ATR: variants seen among roughly 807,000 people sequenced by gnomAD.
The protein encoded by ATR is serine/threonine-protein kinase ATR.
A neutral mutation model predicts 305.3 loss-of-function variants in ATR; 142 were observed. The observed-to-expected ratio is 0.47, with a 90% confidence interval of 0.41 to 0.53. The LOEUF (loss-of-function observed/expected upper bound fraction) is 0.53. Among genes scored for constraint, ATR ranks in the 20% least tolerant of loss-of-function variants. The probability of loss-of-function intolerance (pLI) is 0.00; values close to 1 mark genes in which losing one functional copy is unlikely to be tolerated. For missense variants in ATR, 2,135 were observed against 3,133.1 expected, an observed-to-expected ratio of 0.68 and a Z score of 7.60; for synonymous variants, 1,050 against 1,068.1, an observed-to-expected ratio of 0.98 and a Z score of 0.33.
intron 46 of ATR, chr3:142,451,539 T>C (rs1559901264): frequency 7.3e-7 from 1 of 1,371,724 alleles, no homozygotes; most frequent in Non-Finnish European, 9.6e-7. Context: ...AACACCTATA[T>C]CCAGAGTGGG....
In ATR at chr3:142,485,222, C is replaced by T. The variant is rs769993474; in HGVS notation, c.6139G>A (p.Asp2047Asn). Reference sequence around the variant, plus strand: ...TCTGTGACCATGGGCATCAATTTGTCATAGTACTTGGCAAGGTAAAAATGC... The same window carrying T: ...TCTGTGACCATGGGCATCAATTTGTTATAGTACTTGGCAAGGTAAAAATGC... ...DGHFYLAKYYDKLMPMVTDNK... is the reference protein window; with the variant it reads ...DGHFYLAKYYNKLMPMVTDNK... Residue 2047 changes from aspartate to asparagine, a missense_variant, in exon 36 of 47, where the codon GAC becomes AAC. Asp to Asn is a conservative substitution (Grantham distance 23). Around this residue, in one of 9 missense-constraint regions of ATR, gnomAD observed 462 missense variants for 887.6 expected, o/e 0.52. Coordinates refer to ENST00000350721, the MANE Select transcript of ATR (RefSeq NM_001184.4). The T allele has an allele frequency of 6.2e-7, 1 of 1,614,134 alleles. No homozygotes were observed. The highest frequency in any genetic ancestry group is 8.5e-7 in the Non-Finnish European group (1 of 1,180,018).
At chr3:142,494,435 C>A (rs2031469513) in intron 34 of ATR, among the ~76,000 whole-genome samples, 1 of 152,160 alleles carries the variant, frequency 6.6e-6, no homozygotes, top group South Asian at 2.1e-4. Flanking sequence ...CTAAGTGTTA[C>A]AACAGAGGAA....
At chr3:142,554,447 C>T (rs569253296) in intron 10 of ATR, among the ~76,000 whole-genome samples, 5 of 152,198 alleles carry the variant, frequency 3.3e-5, no homozygotes, top group Admixed American at 6.5e-5. Context: ...AGACTGGTCT[C>T]GAACACCTGA....
In ATR at chr3:142,460,619, A is replaced by T. The variant is rs78750886; in HGVS notation, c.7193-1236T>A. Among the ~76,000 whole-genome samples the T allele has an allele frequency of 6.4e-3, 976 of 152,226 alleles. 5 individuals are homozygous for T. The highest frequency in any genetic ancestry group is 0.011 in the Non-Finnish European group (765 of 67,970). On this transcript the variant is annotated intron_variant, in intron 42 of 46. Coordinates refer to ENST00000350721, the MANE Select transcript of ATR (RefSeq NM_001184.4). ...TGATATTGTATCTTTAGCCTCCAGA[A>T]CCGTGAGATGATAAATTTCTATTGT...
intron 16 of ATR, among the ~76,000 whole-genome samples, chr3:142,545,158 A>C (rs2034218741): frequency 6.8e-6 from 1 of 146,850 alleles, no homozygotes; most frequent in African/African-American, 2.5e-5. Flanking sequence ...CAAGATAAGC[A>C]GAGTCATTCT....
intron 3 of ATR, among the ~76,000 whole-genome samples, chr3:142,565,402 A>C (rs1129395): frequency 1.3e-5 from 2 of 152,208 alleles, no homozygotes; most frequent in East Asian, 3.8e-4. Context: ...TTATGAAGAC[A>C]CCAATGAAGG....
At chr3:142,479,983 T>G (rs1404290587) in intron 36 of ATR, among the ~76,000 whole-genome samples, 1 of 152,182 alleles carries the variant, frequency 6.6e-6, no homozygotes, top group African/African-American at 2.4e-5. Context: ...TAGTCAGCCA[T>G]TCGTCTAATC....
rs770478574 is a variant in ATR at position 142,566,273 on chromosome 3, A to C, written c.152-12T>G. ...AAGTTCTACAGCAACTAAAACAATAAGATTCATTTTAAAGAGTCATGACAA... is the reference window on the plus strand; with the variant it reads ...AAGTTCTACAGCAACTAAAACAATACGATTCATTTTAAAGAGTCATGACAA... On this transcript the variant is annotated splice_polypyrimidine_tract_variant and intron_variant, in intron 2 of 46. Coordinates refer to ENST00000350721, the MANE Select transcript of ATR (RefSeq NM_001184.4). 6.2e-7 allele frequency: 1 copy of C among 1,612,706 alleles called. No homozygotes were observed. Among genetic ancestry groups the C allele is most frequent in the Non-Finnish European group, 8.5e-7 (1 of 1,178,740 alleles).
rs201306116 is a variant in ATR, at chr3:142,549,572, T to C, written c.3078A>G (p.Arg1026=). 2 of 1,612,672 alleles carry C rather than the reference T, an allele frequency of 1.2e-6. No homozygotes were observed. The highest frequency in any genetic ancestry group is 2.7e-5 in the African/African-American group (2 of 75,032). Residue 1026 remains arginine, a synonymous_variant, in exon 15 of 47, where the codon AGA becomes AGG. Coordinates refer to ENST00000350721, the MANE Select transcript of ATR (RefSeq NM_001184.4). ...TLGKQLNVNR[R]EILINNFKYI... is the part of the protein sequence containing the mutation. Reference sequence around the variant, plus strand: ...ATTTGAAGTTGTTTATTAAAATCTCTCTACGATTGACATTTAATTGTTTTC... The same window carrying C: ...ATTTGAAGTTGTTTATTAAAATCTCCCTACGATTGACATTTAATTGTTTTC...
At chr3:142,499,157 A>G (rs1162507847) in intron 31 of ATR, 1 of 391,238 alleles carries the variant, frequency 2.6e-6, no homozygotes, top group East Asian at 6.6e-5. Context: ...CTGAGATTAC[A>G]GGTGTGAGCC....
intron 13 of ATR, among the ~76,000 whole-genome samples, chr3:142,551,202 A>G (rs2034460226): frequency 6.6e-6 from 1 of 152,182 alleles, no homozygotes; most frequent in South Asian, 2.1e-4. Context: ...ATTTGGGGCC[A>G]GGAGTTAGAG....
At position 142,556,613 on chromosome 3, in the gene ATR, A is replaced by C. The variant is rs762821604; in HGVS notation, c.1886-38T>G. The C allele has an allele frequency of 2.5e-6, 4 of 1,587,272 alleles. No individual in the cohort carries two copies. The Admixed American group carries it at 5.0e-5, about 20-fold the overall frequency. ...AGTCTATTAAACAAGATTTCTACTAATGTTAATTTTATGTATACACATATA... is the reference window on the plus strand; with the variant it reads ...AGTCTATTAAACAAGATTTCTACTACTGTTAATTTTATGTATACACATATA... On this transcript the variant is annotated intron_variant, in intron 8 of 46. Coordinates refer to ENST00000350721, the MANE Select transcript of ATR (RefSeq NM_001184.4).
At chr3:142,516,902 G>A (rs2032886515) in intron 24 of ATR, among the ~76,000 whole-genome samples, 2 of 150,746 alleles carry the variant, frequency 1.3e-5, no homozygotes, top group Non-Finnish European at 2.9e-5. Flanking sequence ...GGATTTTTTT[G>A]AATGGCATGG....
At chr3:142,550,381 G>C in intron 13 of ATR, 79 bp from the exon 14 acceptor site, 1 of 1,440,716 alleles carries the variant, frequency 6.9e-7, no homozygotes, top group Non-Finnish European at 9.7e-7. Context: ...CACCATAGAG[G>C]GCAGTATCAA....
chr3:142,572,371 A>ATTTTT, intron 1 of ATR, among the ~76,000 whole-genome samples: 1 of 49,002 alleles, frequency 2.0e-5, no homozygotes, highest in Non-Finnish European at 4.6e-5. Context: ...GCCCGGCCTG[A>ATTTTT]CTTTTTTTTT....
chr3:142,515,456 C>T lies in ATR; in HGVS notation c.4442G>A (p.Ser1481Asn), dbSNP rs2032818637. ...WSGVKKPIYL[S>N]KLGSNFAEWS... ...TTCTGCAAAGTTACTACCCAATTTA[C>T]TTAAGTAAATTGGCTTCTTTACTCC... Residue 1481 changes from serine to asparagine, a missense_variant, in exon 25 of 47, where the codon AGT (serine) becomes AAT (asparagine). Ser to Asn is a conservative substitution (Grantham distance 46). Coordinates refer to ENST00000350721, the MANE Select transcript of ATR (RefSeq NM_001184.4). The T allele has an allele frequency of 6.2e-7, 1 of 1,613,618 alleles. No individual in the cohort carries two copies. Among genetic ancestry groups the T allele is most frequent in the Non-Finnish European group, 8.5e-7 (1 of 1,179,608 alleles).
intron 46 of ATR, chr3:142,452,842 T>C (rs1051786618): frequency 1.9e-5 from 24 of 1,246,626 alleles, no homozygotes; most frequent in Non-Finnish European, 2.1e-5. Flanking sequence ...TTCAGGCAAT[T>C]TGTACTATAG....
At chr3:142,540,201 G>T (rs1419514862) in intron 18 of ATR, among the ~76,000 whole-genome samples, 2 of 152,142 alleles carry the variant, frequency 1.3e-5, no homozygotes, top group African/African-American at 4.8e-5. Flanking sequence ...AATCTTAACA[G>T]CCTAAAATAA....
intron 36 of ATR, among the ~76,000 whole-genome samples, chr3:142,474,764 T>C (rs1298397017): frequency 2.0e-5 from 3 of 152,318 alleles, no homozygotes; most frequent in South Asian, 2.1e-4. Flanking sequence ...TGGTACTATA[T>C]TGAATATAAG....
Sources: gnomAD v4.1 joint callset for allele counts (sites outside exome capture counted in the v4.1 genomes callset) on GRCh38, gnomAD v4.1.1 for gene constraint, gnomAD v4.1.1 regional missense constraint, MANE v1.5 for transcripts, NCBI Gene and HGNC (gene_info 2026-07-23, HGNC 2026-07-21) for gene names.